Variants in MMP12 observed in about 807,000 individuals in gnomAD.
MMP12 encodes matrix metallopeptidase 12.
Under a neutral mutation model 45.2 loss-of-function variants are expected in MMP12, and 51 were observed. The ratio of observed to expected loss-of-function variants is 1.13; its 90% CI spans 0.90 to 1.42. The LOEUF (loss-of-function observed/expected upper bound fraction) is 1.42. Ranked by LOEUF, MMP12 falls within the 40% of genes most tolerant of loss-of-function variation. The pLI is 0.00. For missense variants in MMP12, 530 were observed against 570.8 expected (o/e 0.93, Z 0.73); for synonymous variants, 210 against 193.3 (o/e 1.09, Z -0.72).
In MMP12 at chr11:102,865,819, G is replaced by T. The variant is rs550262956; in HGVS notation, c.1162C>A (p.Arg388Ser). The T allele has an allele frequency of 1.9e-6, 3 of 1,612,340 alleles. No individual in the cohort carries two copies. Among genetic ancestry groups the T allele is most frequent in the Middle Eastern group, 3.3e-4 (2 of 6,080 alleles). Residue 388 changes from arginine (R) to serine (S), a missense_variant, in exon 8 of 10, where the codon CGT (arginine) becomes AGT (serine). Transcript: ENST00000571244. The surrounding 1 kb of genome is among the most constrained non-coding windows in gnomAD (Gnocchi z 4.1). ...ACAAAGAAGTAGGTCCTATAAAAAC[G>T]TGGGTTAAAAACAGCTGCATCAATT... ...KKIDAAVFNPRFYRTYFFVDN... is the reference protein window; with the variant it reads ...KKIDAAVFNPSFYRTYFFVDN...
chr11:102,869,363 A>G (rs1396187006), intron 4 of MMP12, among the ~76,000 whole-genome samples: 3 of 152,138 alleles, frequency 2.0e-5, no homozygotes, highest in African/African-American at 7.2e-5. Context: ...GGGAAGAGTA[A>G]GCAAAGTTTT....
At position 102,874,871 on chromosome 11, in the gene MMP12, T is replaced by C; in HGVS notation, c.67A>G (p.Thr23Ala). 1 of 1,607,286 alleles carries C rather than the reference T, an allele frequency of 6.2e-7. No individual in the cohort carries two copies. The highest frequency in any genetic ancestry group is 8.5e-7 in the Non-Finnish European group (1 of 1,176,678). Reference sequence around the variant, plus strand: ...AGCACATTATTTTTTTCCAGGCTTGTAGAGCTGTTCAGGGGAAGAGCTCCA... The same window carrying C: ...AGCACATTATTTTTTTCCAGGCTTGCAGAGCTGTTCAGGGGAAGAGCTCCA... ...ASGALPLNSS[T>A]SLEKNNVLFG... The change falls in exon 1 of 10, where the codon ACA (threonine) becomes GCA (alanine). Residue 23 changes from threonine to alanine, a missense_variant. By Grantham distance (58) the Thr-to-Ala change is moderately conservative. Transcript: ENST00000571244.
intron 5 of MMP12, 88 bp from the exon 6 acceptor site, chr11:102,867,481 C>A: frequency 8.1e-7 from 1 of 1,232,786 alleles, no homozygotes; most frequent in African/African-American, 1.5e-5. Context: ...ACTCAATTTT[C>A]TTAATGAACA....
chr11:102,870,582 A>C (rs1555009207), intron 4 of MMP12, among the ~76,000 whole-genome samples: 3 of 152,228 alleles, frequency 2.0e-5, no homozygotes, highest in Non-Finnish European at 4.4e-5. Context: ...AATTTCCAAT[A>C]GAAAAATTAA....
chr11:102,871,582 T>G lies in MMP12; in HGVS notation c.625+12A>C, dbSNP rs1859496190. On this transcript the variant is annotated intron_variant, in intron 4 of 9. Transcript: ENST00000571244. ...TTAGTTTTTTGTTTGTTTGTTTGTTTGTTTTGCCCACCTCCTGAATGTGTA... is the reference window on the plus strand; with the variant it reads ...TTAGTTTTTTGTTTGTTTGTTTGTTGGTTTTGCCCACCTCCTGAATGTGTA... 1.3e-6 allele frequency: 2 copies of G among 1,550,618 alleles called. No individual in the cohort carries two copies. The highest frequency in any genetic ancestry group is 1.7e-6 in the Non-Finnish European group (2 of 1,146,776).
intron 9 of MMP12, 117 bp from the exon 10 acceptor site, chr11:102,863,317 G>T: frequency 1.7e-6 from 1 of 593,248 alleles, no homozygotes; most frequent in Non-Finnish European, 2.8e-6. Flanking sequence ...ATGGGCTGTG[G>T]TTCATGCCCT....
intron 1 of MMP12, among the ~76,000 whole-genome samples, chr11:102,873,674 T>G (rs1555009740): frequency 6.6e-6 from 1 of 152,092 alleles, no homozygotes; most frequent in East Asian, 1.9e-4. Flanking sequence ...ATTCCCGGAA[T>G]CCCAGTGGAA....
At chr11:102,863,550 A>G (rs1199061937) in intron 9 of MMP12, among the ~76,000 whole-genome samples, 1 of 152,188 alleles carries the variant, frequency 6.6e-6, no homozygotes, top group Non-Finnish European at 1.5e-5. Context: ...TGGAGGACTC[A>G]TGAAACAGGA....
intron 1 of MMP12, 91 bp from the exon 2 acceptor site, chr11:102,873,203 G>A (rs1480379248): frequency 8.8e-7 from 1 of 1,131,412 alleles, no homozygotes; most frequent in African/African-American, 1.6e-5. Flanking sequence ...GCACACTGAT[G>A]CTTTTGGACC....
rs114128880 is a variant in MMP12 at position 102,871,418 on chromosome 11, G to A, written c.625+176C>T. On this transcript the variant is annotated intron_variant, in intron 4 of 9. Transcript: ENST00000571244. ...CAGAGAGTAAAATTGAGACCCATAC[G>A]AAGTGTTAAATTTGATTTAGAGGCA... Among the ~76,000 whole-genome samples the A allele has an allele frequency of 9.6e-3, 1,457 of 152,170 alleles. 26 individuals are homozygous for A. The highest frequency in any genetic ancestry group is 0.033 in the African/African-American group (1,376 of 41,502).
chr11:102,874,693 T>C (rs1591123505), intron 1 of MMP12, 143 bp downstream of exon 1: 3 of 539,056 alleles, frequency 5.6e-6, no homozygotes. Context: ...AACTTAATAC[T>C]GAAAGCAGAC....
At chr11:102,872,836 A>T in intron 2 of MMP12, 29 bp downstream of exon 2, 2 of 1,608,470 alleles carry the variant, frequency 1.2e-6, no homozygotes, top group Non-Finnish European at 1.7e-6. Flanking sequence ...GAAAGTAGAA[A>T]AATACAGGGC....
chr11:102,866,698 C>A (rs1859394581), intron 6 of MMP12, among the ~76,000 whole-genome samples: 2 of 152,144 alleles, frequency 1.3e-5, no homozygotes, highest in African/African-American at 4.8e-5. Context: ...GGGATCTAAG[C>A]TTCTGGTTCG....
Position 102,872,974 on chromosome 11 carries a change from T to A in MMP12, c.241A>T (p.Thr81Ser), listed in dbSNP as rs782039320. ...GCGTGCATCATCTCCAGGGTAGATG[T>A]GTCCAGTTGCCCGGTCACTTTCAGA... The part of the protein sequence containing the change: ...LGLKVTGQLD[T>S]STLEMMHAPR... The change falls in exon 2 of 10, where the codon ACA becomes TCA. Residue 81 changes from threonine to serine, a missense_variant. By Grantham distance (58) the Thr-to-Ser change is moderately conservative. Transcript: ENST00000571244. 2 of 1,613,752 alleles carry A rather than the reference T, an allele frequency of 1.2e-6. No individual in the cohort carries two copies. The highest frequency in any genetic ancestry group is 4.5e-5 in the East Asian group (2 of 44,858).
At chr11:102,864,055 T>C in intron 9 of MMP12, 91 bp downstream of exon 9, 2 of 1,003,486 alleles carry the variant, frequency 2.0e-6, no homozygotes, top group Non-Finnish European at 3.0e-6. Context: ...ACCTGTCCCT[T>C]TCCAATTTGG....
At chr11:102,866,533 G>A (rs879947057) in intron 6 of MMP12, 85 bp from the exon 7 acceptor site, 19 of 1,390,206 alleles carry the variant, frequency 1.4e-5, no homozygotes, top group Non-Finnish European at 1.8e-5. Flanking sequence ...ACTGTGAAAA[G>A]ACCCAATATT....
At chr11:102,874,163 C>A (rs1859553859) in intron 1 of MMP12, among the ~76,000 whole-genome samples, 1 of 151,658 alleles carries the variant, frequency 6.6e-6, no homozygotes, top group South Asian at 2.1e-4. Context: ...ATGATAAATT[C>A]AATGTTAAAA....
chr11:102,872,920 G>T lies in MMP12; in HGVS notation c.295C>A (p.His99Asn). The T allele has an allele frequency of 1.9e-6, 3 of 1,613,782 alleles. 1 individual carries two copies. Among genetic ancestry groups the T allele is most frequent in the South Asian group, 1.1e-5 (1 of 91,038 alleles). ...GGCCCCCCTGGCATTTCCCTGAAAT[G>T]ATGGACATCGGGGACTCCACATCGA... The part of the protein sequence containing the change: ...APRCGVPDVH[H>N]FREMPGGPVW... The change falls in exon 2 of 10, where the codon CAT (histidine) becomes AAT (asparagine). Residue 99 changes from histidine to asparagine, a missense_variant. Transcript: ENST00000571244.
At chr11:102,872,683 C>T (rs570656537) in intron 2 of MMP12, among the ~76,000 whole-genome samples, 182 bp downstream of exon 2, 129 of 152,268 alleles carry the variant, frequency 8.5e-4, no homozygotes, top group Non-Finnish European at 1.7e-3. Context: ...GCAAGCCAAA[C>T]AATTCTCCCC....
Sources: gnomAD v4.1 joint callset for allele counts (sites outside exome capture counted in the v4.1 genomes callset) on GRCh38, gnomAD v4.1.1 for gene constraint, Gnocchi (gnomAD v3.1) non-coding constraint, MANE v1.5 for transcripts, NCBI Gene and HGNC (gene_info 2026-07-23, HGNC 2026-07-21) for gene names.